Variants in PEMT observed in about 807,000 individuals in gnomAD.
The protein encoded by PEMT is phospholipid methyltransferase.
In PEMT, 23 loss-of-function variants were observed where a neutral mutation model predicts 27.4. That is an observed-to-expected ratio of 0.84 (90% CI 0.60 to 1.19). PEMT has a LOEUF of 1.19. Among genes scored for constraint, PEMT ranks in the 50% most tolerant of loss-of-function variants. The pLI is 0.00. For missense variants in PEMT, 307 were observed against 310.1 expected (o/e 0.99, Z 0.07); for synonymous variants, 137 against 139.1 (o/e 0.98, Z 0.11).
chr17:17,511,614 C>A (rs2142510523), intron 4 of PEMT, among the ~76,000 whole-genome samples: 1 of 152,362 alleles, frequency 6.6e-6, no homozygotes, highest in Non-Finnish European at 1.5e-5. Flanking sequence ...AGCCGAGTGA[C>A]TTCCAAGCTC....
At chr17:17,590,847 TGCCAGGACAG>T (rs964764601) in intron 1 of PEMT, among the ~76,000 whole-genome samples, 2 of 152,138 alleles carry the variant, frequency 1.3e-5, no homozygotes, top group African/African-American at 4.8e-5. Flanking sequence ...CCTGGGGAGA[TGCCAGGACAG>T]GCACTCTCTG....
chr17:17,530,338 T>C (rs189731794), intron 2 of PEMT, among the ~76,000 whole-genome samples: 58 of 152,088 alleles, frequency 3.8e-4, no homozygotes, highest in African/African-American at 1.4e-3. Context: ...TCTACGAAAA[T>C]ACAAAAATTA....
chr17:17,582,267 C>G lies in PEMT; in HGVS notation c.97-5240G>C. 1.0e-6 allele frequency: 1 copy of G among 985,530 alleles called. No homozygotes were observed. The highest frequency in any genetic ancestry group is 1.2e-6 in the Non-Finnish European group (1 of 829,998). 61.0% of individuals were successfully genotyped at this position (985,530 alleles called of 1,614,324 possible). A position where few individuals can be genotyped will look rare whatever the true frequency, so the allele number is the denominator to read the frequency against. On this transcript the variant is annotated intron_variant, in intron 1 of 6. Coordinates refer to ENST00000255389, the MANE Select transcript of PEMT (RefSeq NM_148172.3). The surrounding 1 kb of genome is among the most constrained non-coding windows in gnomAD (Gnocchi z 4.9). ...TGACTAAAGGAAAGGAGCTACCCAC[C>G]ACGGCCAGGAGGTCTGCTGAGCTGC... is the stretch of plus-strand genomic sequence containing the variant.
intron 1 of PEMT, among the ~76,000 whole-genome samples, chr17:17,577,230 C>T (rs1370265833): frequency 1.3e-5 from 2 of 152,132 alleles, no homozygotes; most frequent in Non-Finnish European, 2.9e-5. Context: ...CCTGGGAGGG[C>T]GGCCGCAGAA....
intron 5 of PEMT, chr17:17,506,979 G>A: frequency 4.8e-6 from 3 of 623,178 alleles, no homozygotes; most frequent in Non-Finnish European, 5.7e-6. Context: ...CCCAGGCAGA[G>A]CATACAGCAG....
chr17:17,549,276 G>A (rs1003550840), intron 2 of PEMT, among the ~76,000 whole-genome samples: 3 of 152,118 alleles, frequency 2.0e-5, no homozygotes, highest in Non-Finnish European at 4.4e-5. Flanking sequence ...TGCAACCTCC[G>A]CCTCCCGGGT....
intron 2 of PEMT, among the ~76,000 whole-genome samples, chr17:17,562,487 G>A (rs1375317729): frequency 6.6e-6 from 1 of 152,242 alleles, no homozygotes; most frequent in Non-Finnish European, 1.5e-5. Flanking sequence ...CACGCTCAAA[G>A]GCTGTTGGGG....
At chr17:17,559,651 G>T (rs539783946) in intron 2 of PEMT, among the ~76,000 whole-genome samples, 7 of 152,222 alleles carry the variant, frequency 4.6e-5, no homozygotes, top group Non-Finnish European at 8.8e-5. Context: ...TGTGGCCTCT[G>T]GATTGGGTGG....
At chr17:17,585,898 C>G (rs550069865) in intron 1 of PEMT, among the ~76,000 whole-genome samples, 5 of 151,534 alleles carry the variant, frequency 3.3e-5, no homozygotes, top group Non-Finnish European at 7.4e-5. Flanking sequence ...CTGGCTAACA[C>G]GGTGAAACCC....
At chr17:17,574,255 A>C (rs1240559246) in intron 2 of PEMT, among the ~76,000 whole-genome samples, 1 of 145,036 alleles carries the variant, frequency 6.9e-6, no homozygotes, top group Non-Finnish European at 1.5e-5. Flanking sequence ...AAAAAAAAAA[A>C]AAAAAAAAAA....
At chr17:17,548,555 C>CT (rs965875967) in intron 2 of PEMT, among the ~76,000 whole-genome samples, 38 of 149,760 alleles carry the variant, frequency 2.5e-4, no homozygotes, top group East Asian at 9.8e-4. Flanking sequence ...GAGCACAGGT[C>CT]TTTTTTTTTT....
chr17:17,560,500 C>T (rs1053863798), intron 2 of PEMT, among the ~76,000 whole-genome samples: 1 of 152,230 alleles, frequency 6.6e-6, no homozygotes, highest in Admixed American at 6.5e-5. Context: ...CTATCCAAAG[C>T]CACATAGCTA....
chr17:17,526,555 C>T (rs955494235), intron 2 of PEMT, among the ~76,000 whole-genome samples: 15 of 152,358 alleles, frequency 9.8e-5, no homozygotes, highest in Non-Finnish European at 1.5e-4. Flanking sequence ...TCCCCCTATC[C>T]GTGGCTCAGA....
At chr17:17,537,163 G>A (rs1908534316) in intron 2 of PEMT, among the ~76,000 whole-genome samples, 1 of 152,238 alleles carries the variant, frequency 6.6e-6, no homozygotes, top group South Asian at 2.1e-4. Flanking sequence ...AGATGGCTCT[G>A]TCCTGAATGT....
chr17:17,544,734 G>A (rs973943810), intron 2 of PEMT, among the ~76,000 whole-genome samples: 9 of 152,190 alleles, frequency 5.9e-5, no homozygotes, highest in African/African-American at 2.2e-4. Context: ...GTTTCAAAAT[G>A]GAGGCAGAAC....
chr17:17,548,813 G>A (rs548366323), intron 2 of PEMT, among the ~76,000 whole-genome samples: 1 of 152,350 alleles, frequency 6.6e-6, no homozygotes, highest in South Asian at 2.1e-4. Flanking sequence ...CCAAAGTGCT[G>A]GGATTACAGG....
intron 1 of PEMT, among the ~76,000 whole-genome samples, chr17:17,584,938 C>G (rs574945924): frequency 4.5e-4 from 69 of 152,350 alleles, no homozygotes; most frequent in African/African-American, 1.5e-3. Context: ...AAGCACTCAG[C>G]GCAGTGCCTG....
At chr17:17,542,233 A>G (rs12940673) in intron 2 of PEMT, among the ~76,000 whole-genome samples, 73,859 of 151,984 alleles carry the variant, frequency 0.49, 18,251 homozygotes, top group Non-Finnish European at 0.54. Context: ...TACCCGCCTC[A>G]GCCTCCCAAA....
chr17:17,528,432 C>G (rs1343717004), intron 2 of PEMT, among the ~76,000 whole-genome samples: 1 of 152,218 alleles, frequency 6.6e-6, no homozygotes, highest in Admixed American at 6.5e-5. Flanking sequence ...CCCGAGGAGG[C>G]ACTCAACAAG....
Sources: allele counts gnomAD v4.1 joint callset (sites outside exome capture counted in the v4.1 genomes callset), GRCh38; gene constraint gnomAD v4.1.1; non-coding constraint Gnocchi (gnomAD v3.1); transcripts MANE v1.5; gene names NCBI Gene and HGNC (gene_info 2026-07-23, HGNC 2026-07-21).